Variants in HEATR5A observed in about 807,000 individuals in gnomAD.
HEATR5A encodes the protein HEAT repeat containing 5A.
In HEATR5A, 178 loss-of-function variants were observed where a neutral mutation model predicts 218.8. That is an observed-to-expected ratio of 0.81 (90% CI 0.72 to 0.92). The LOEUF is 0.92. Among genes scored for constraint, HEATR5A ranks in the 40% least tolerant of loss-of-function variants. The probability of loss-of-function intolerance (pLI) is 0.00; values close to 1 mark genes in which losing one functional copy is unlikely to be tolerated. For missense variants in HEATR5A, 2,420 were observed against 2,418.9 expected, an observed-to-expected ratio of 1.00 and a Z score of -0.01; for synonymous variants, 864 against 871.6, an observed-to-expected ratio of 0.99 and a Z score of 0.15.
At chr14:31,404,293 G>C (rs2030981526) in intron 1 of HEATR5A, among the ~76,000 whole-genome samples, 1 of 152,054 alleles carries the variant, frequency 6.6e-6, no homozygotes, top group African/African-American at 2.4e-5. Context: ...AAATGCTATG[G>C]CTAATTTAAC....
At chr14:31,305,293 C>T (rs1013978643) in intron 31 of HEATR5A, 116 bp from the exon 32 acceptor site, 5 of 1,043,196 alleles carry the variant, frequency 4.8e-6, no homozygotes, top group Non-Finnish European at 6.9e-6. Context: ...GACAGAGTCT[C>T]GCTCTGTCAC....
chr14:31,303,499 T>G (rs1475791022), intron 32 of HEATR5A, among the ~76,000 whole-genome samples: 1 of 152,122 alleles, frequency 6.6e-6, no homozygotes, highest in Non-Finnish European at 1.5e-5. Context: ...TTAAGAAGCA[T>G]CTACTAGGTA....
At chr14:31,304,393 T>A (rs1303843878) in intron 32 of HEATR5A, among the ~76,000 whole-genome samples, 1 of 152,222 alleles carries the variant, frequency 6.6e-6, no homozygotes, top group Non-Finnish European at 1.5e-5. Context: ...AGCATATCTA[T>A]AATACTTGCT....
chr14:31,324,221 C>T (rs56929550), intron 23 of HEATR5A, among the ~76,000 whole-genome samples: 1,648 of 151,156 alleles, frequency 0.011, 25 homozygotes, highest in African/African-American at 0.038. Flanking sequence ...ACACTGGAGC[C>T]TTGCATGGAT....
intron 14 of HEATR5A, among the ~76,000 whole-genome samples, chr14:31,361,558 C>T (rs1595137197): frequency 1.3e-5 from 2 of 152,294 alleles, no homozygotes; most frequent in Admixed American, 1.3e-4. Flanking sequence ...CTCTGCTTCT[C>T]AGTTGAAAGT....
intron 16 of HEATR5A, among the ~76,000 whole-genome samples, chr14:31,352,770 C>T (rs1223842636): frequency 6.6e-6 from 1 of 152,020 alleles, no homozygotes. Context: ...CCAGCCTGGA[C>T]AACATGGTGA....
In HEATR5A at chr14:31,379,529, C is replaced by T. The variant is rs188748097; in HGVS notation, c.1708+938G>A. ...CCTCCCAAAGTGCGGGGATTACAAG[C>T]GTGAGCCACCATGCCCAGCCTCAGC... On this transcript the variant is annotated intron_variant, in intron 11 of 35. Coordinates refer to ENST00000543095, the MANE Select transcript of HEATR5A (RefSeq NM_015473.4). Among the ~76,000 whole-genome samples the T allele has an allele frequency of 2.5e-4, 38 of 152,286 alleles. No individual in the cohort carries two copies. In the East Asian group the frequency reaches 5.4e-3, roughly 22 times the overall value.
At position 31,364,274 on chromosome 14, in the gene HEATR5A, A is replaced by G; in HGVS notation, c.1986T>C (p.Tyr662=). 1 of 1,540,962 alleles carries G rather than the reference A, an allele frequency of 6.5e-7. No homozygotes were observed. The highest frequency in any genetic ancestry group is 8.8e-7 in the Non-Finnish European group (1 of 1,137,152). The change falls in exon 14 of 36, where the codon TAT becomes TAC. Residue 662 remains tyrosine, a synonymous_variant. Transcript: ENST00000543095. ...LTQLSSILKM[Y]GSPLKTPSVV... is the part of the protein sequence containing the mutation. ...CTGACGGTGTTTTCAAAGGACTTCC[A>G]TACATTTTTAGTATTGAAGAAAGCC...
At position 31,292,576 on chromosome 14, in the gene HEATR5A, A is replaced by C; in HGVS notation, c.*729T>G. The C allele has an allele frequency of 6.6e-6, 1 of 151,804 alleles. No individual in the cohort carries two copies. Among genetic ancestry groups the C allele is most frequent in the Non-Finnish European group, 1.5e-5 (1 of 68,066 alleles). The allele number at this position is 151,804 out of a possible 1,614,324, so 9.4% of individuals were successfully genotyped here. A position where few individuals can be genotyped will look rare whatever the true frequency, so the allele number is the denominator to read the frequency against. On this transcript the variant is annotated 3_prime_UTR_variant, in exon 36 of 36. Coordinates refer to ENST00000543095, the MANE Select transcript of HEATR5A (RefSeq NM_015473.4). ...GAAAGTTTAATACAATTACTGAATA[A>C]GGCAGAATTTTTTTTTTTTTTTTTT...
intron 25 of HEATR5A, among the ~76,000 whole-genome samples, chr14:31,320,875 G>T (rs561530714): frequency 2.6e-4 from 39 of 152,122 alleles, no homozygotes; most frequent in Middle Eastern, 6.8e-3. Flanking sequence ...CAGGCATACT[G>T]CCCTGCCCAA....
intron 9 of HEATR5A, among the ~76,000 whole-genome samples, chr14:31,385,986 C>A (rs539121265): frequency 7.2e-5 from 11 of 152,286 alleles, no homozygotes; most frequent in African/African-American, 2.2e-4. Context: ...CCTCAGCCTC[C>A]CAAAGTGCTG....
intron 32 of HEATR5A, 190 bp from the exon 33 acceptor site, chr14:31,302,709 TG>T: frequency 1.8e-6 from 1 of 545,024 alleles, no homozygotes; most frequent in Non-Finnish European, 3.2e-6. Context: ...TAAATCTTGA[TG>T]GTTATAACTG....
chr14:31,332,107 G>A (rs1900493014), intron 22 of HEATR5A, among the ~76,000 whole-genome samples: 1 of 152,200 alleles, frequency 6.6e-6, no homozygotes, highest in African/African-American at 2.4e-5. Context: ...GATAAAATAA[G>A]TGTCATAAAG....
chr14:31,347,972 G>T, intron 18 of HEATR5A, 65 bp from the exon 19 acceptor site: 1 of 999,598 alleles, frequency 1.0e-6, no homozygotes, highest in East Asian at 3.1e-5. Flanking sequence ...AAAAACTAAT[G>T]CATGTACACT....
At chr14:31,340,568 T>C (rs929993939) in intron 21 of HEATR5A, 7 of 733,872 alleles carry the variant, frequency 9.5e-6, no homozygotes, top group Non-Finnish European at 1.4e-5. Context: ...CATTAAAATA[T>C]AAATGTTGAT....
chr14:31,411,182 T>C (rs2031259247), intron 1 of HEATR5A, among the ~76,000 whole-genome samples: 1 of 152,046 alleles, frequency 6.6e-6, no homozygotes, highest in Non-Finnish European at 1.5e-5. Context: ...TACAAAAATA[T>C]CAAAACCATT....
chr14:31,358,624 T>C lies in HEATR5A; in HGVS notation c.2411+13A>G. ...CTCTATTATCCATTCACTGAACCAT[T>C]GAAGATATTTACCTTTGAGTTTCTC... On this transcript the variant is annotated intron_variant, in intron 16 of 35. Coordinates refer to ENST00000543095, the MANE Select transcript of HEATR5A (RefSeq NM_015473.4). 1 of 1,609,348 alleles carries C rather than the reference T, an allele frequency of 6.2e-7. No individual in the cohort carries two copies. The highest frequency in any genetic ancestry group is 8.5e-7 in the Non-Finnish European group (1 of 1,177,248).
chr14:31,393,534 G>A (rs1193306089), intron 6 of HEATR5A, among the ~76,000 whole-genome samples: 3 of 152,120 alleles, frequency 2.0e-5, no homozygotes, highest in Non-Finnish European at 1.5e-5. Flanking sequence ...TAATGTAAAA[G>A]GAAGACAATG....
At chr14:31,335,141 C>T (rs540335441) in intron 22 of HEATR5A, among the ~76,000 whole-genome samples, 120 of 152,094 alleles carry the variant, frequency 7.9e-4, no homozygotes, top group Non-Finnish European at 1.5e-3. Flanking sequence ...AAGGTATGTA[C>T]ATTGCTTTTT....
Sources: allele counts gnomAD v4.1 joint callset (sites outside exome capture counted in the v4.1 genomes callset), GRCh38; gene constraint gnomAD v4.1.1; transcripts MANE v1.5; gene names NCBI Gene and HGNC (gene_info 2026-07-23, HGNC 2026-07-21).